Variants in PUDP observed in about 807,000 individuals in gnomAD.
PUDP encodes pseudouridine-5'-phosphatase.
A neutral mutation model predicts 9.4 loss-of-function variants in PUDP; 8 were observed. The ratio of observed to expected loss-of-function variants is 0.85; its 90% CI spans 0.50 to 1.53. The LOEUF is 1.53. Among genes scored for constraint, PUDP ranks in the 40% most tolerant of loss-of-function variants. The pLI, the probability that PUDP is intolerant of heterozygous loss-of-function variation, is 0.00. For synonymous variants in PUDP, 99 were observed against 80.7 expected (o/e 1.23, Z -1.22); for missense variants, 188 against 189.7 (o/e 0.99, Z 0.05).
chrX:7,077,476 G>A, intron 2 of PUDP, 27 bp from the exon 3 acceptor site: 1 of 1,138,936 alleles, frequency 8.8e-7, no homozygotes, highest in South Asian at 1.9e-5. Flanking sequence ...AAGGACTGAG[G>A]TGAGGGGCGA....
At position 6,864,717 on chromosome X, in the gene PUDP, C is replaced by T. The variant is rs142312526; in HGVS notation, c.*247+112416G>A. 7.0e-4 allele frequency among the ~76,000 whole-genome samples: 78 copies of T among 111,751 alleles called. 1 individual carries two copies. The East Asian group carries it at 0.018, about 26-fold the overall frequency. On this transcript the variant is annotated intron_variant and NMD_transcript_variant, in intron 3 of 3. Transcript: ENST00000655425. ...CTAGAGTCAGACTGATATTCCTTGC[C>T]TCCTGGCCTCCTTCCATCTTTGAAG...
intron 1 of PUDP, among the ~76,000 whole-genome samples, chrX:7,013,780 G>A (rs1309577778): frequency 8.9e-6 from 1 of 111,824 alleles, no homozygotes. Context: ...CTGGGGAGGG[G>A]GGGTGCCTGC....
At chrX:6,925,525 A>C (rs1286059003) in intron 3 of PUDP, among the ~76,000 whole-genome samples, 4 of 111,906 alleles carry the variant, frequency 3.6e-5, no homozygotes, top group Non-Finnish European at 5.6e-5. Context: ...ACCAACTCTG[A>C]AAAATATTTT....
intron 1 of PUDP, among the ~76,000 whole-genome samples, chrX:7,124,307 G>C (rs1469221628): frequency 1.8e-5 from 2 of 112,021 alleles, no homozygotes; most frequent in African/African-American, 3.2e-5. Flanking sequence ...ATGAAATTAT[G>C]AGAGAAATTA....
intron 3 of PUDP, among the ~76,000 whole-genome samples, chrX:7,074,881 C>T (rs1238088657): frequency 8.9e-6 from 1 of 112,388 alleles, no homozygotes; most frequent in Non-Finnish European, 1.9e-5. Flanking sequence ...GACTCTCTGA[C>T]TTACTAGCTG....
At chrX:6,948,817 G>A (rs1928508015) in intron 3 of PUDP, among the ~76,000 whole-genome samples, 1 of 112,169 alleles carries the variant, frequency 8.9e-6, no homozygotes, top group Non-Finnish European at 1.9e-5. Flanking sequence ...AGACATGGAT[G>A]TTCCAGGGTT....
chrX:6,964,479 C>G (rs913162917), intron 3 of PUDP, among the ~76,000 whole-genome samples: 1 of 110,986 alleles, frequency 9.0e-6, no homozygotes, highest in South Asian at 3.8e-4. Flanking sequence ...TTGAGACCAG[C>G]TTGCGCAACA....
rs764477705 is a variant in PUDP at position 6,933,132 on chromosome X, C to G, written c.*247+44001G>C. 6.4e-3 allele frequency among the ~76,000 whole-genome samples: 704 copies of G among 109,199 alleles called. 4 individuals carry two copies. The highest frequency in any genetic ancestry group is 0.021 in the African/African-American group (629 of 30,251). 94.8% of individuals were successfully genotyped at this position (109,199 alleles called of 115,157 possible). A position where few individuals can be genotyped will look rare whatever the true frequency, so the allele number is the denominator to read the frequency against. On this transcript the variant is annotated intron_variant and NMD_transcript_variant, in intron 3 of 3. Transcript: ENST00000655425. ...GAAGAGAGCAGTGGTTCTCCCAGCA[C>G]GCAGCTGGAGATCTGAGAACACGCA...
intron 3 of PUDP, among the ~76,000 whole-genome samples, chrX:6,771,306 C>T (rs1224188996): frequency 3.6e-5 from 4 of 111,983 alleles, no homozygotes; most frequent in African/African-American, 9.7e-5. Flanking sequence ...TTTCTTTGCA[C>T]GCTGGAATTA....
At chrX:6,994,879 A>T (rs980716101) in intron 1 of PUDP, among the ~76,000 whole-genome samples, 2 of 111,640 alleles carry the variant, frequency 1.8e-5, no homozygotes, top group East Asian at 5.6e-4. Flanking sequence ...GATGGGGGGA[A>T]AAGTGCTAAG....
upstream of PUDP, among the ~76,000 whole-genome samples, chrX:6,722,885 G>A (rs1399675854): frequency 8.9e-6 from 1 of 111,919 alleles, no homozygotes; most frequent in Non-Finnish European, 1.9e-5. Flanking sequence ...AATTAGAATG[G>A]TTAAAAGAAT....
At chrX:6,867,487 G>C (rs1927105353) in intron 3 of PUDP, among the ~76,000 whole-genome samples, 1 of 110,496 alleles carries the variant, frequency 9.1e-6, no homozygotes. Context: ...GGTGGTGGTA[G>C]TGATGATGGT....
intron 3 of PUDP, among the ~76,000 whole-genome samples, chrX:6,807,256 G>A (rs1197358954): frequency 1.8e-5 from 2 of 112,020 alleles, no homozygotes; most frequent in Non-Finnish European, 3.8e-5. Flanking sequence ...ACAGTGCACA[G>A]GTGGAGTAAT....
At chrX:6,893,455 A>G (rs1289036829) in intron 3 of PUDP, among the ~76,000 whole-genome samples, 1 of 111,943 alleles carries the variant, frequency 8.9e-6, no homozygotes, top group Non-Finnish European at 1.9e-5. Flanking sequence ...GTGTTCATGG[A>G]TTGTGAATTA....
chrX:6,852,444 G>T (rs868342632), intron 3 of PUDP, among the ~76,000 whole-genome samples: 2 of 111,973 alleles, frequency 1.8e-5, no homozygotes, highest in Non-Finnish European at 3.8e-5. Flanking sequence ...CAGCACTTGG[G>T]TGTAGGGCTC....
intron 3 of PUDP, among the ~76,000 whole-genome samples, chrX:6,864,800 T>C (rs1927054419): frequency 8.9e-6 from 1 of 111,859 alleles, no homozygotes; most frequent in African/African-American, 3.2e-5. Context: ...TCTATTTCCC[T>C]TTTCCCCATT....
intron 3 of PUDP, among the ~76,000 whole-genome samples, chrX:6,799,343 A>G (rs1691543886): frequency 8.9e-6 from 1 of 112,099 alleles, no homozygotes; most frequent in African/African-American, 3.2e-5. Flanking sequence ...TTTTAGAAAG[A>G]ATTTAAAATA....
At chrX:6,820,909 C>T (rs963214619) in intron 3 of PUDP, among the ~76,000 whole-genome samples, 6 of 112,005 alleles carry the variant, frequency 5.4e-5, no homozygotes, top group Non-Finnish European at 1.1e-4. Context: ...AGTAGGGACT[C>T]TGTGTGGGGG....
At chrX:7,073,086 G>A (rs995263991) in intron 3 of PUDP, among the ~76,000 whole-genome samples, 18 of 111,322 alleles carry the variant, frequency 1.6e-4, no homozygotes, top group Non-Finnish European at 3.8e-5. Flanking sequence ...GCCTTCAGGG[G>A]ATGTGTTGGC....
Sources: allele counts gnomAD v4.1 joint callset (sites outside exome capture counted in the v4.1 genomes callset), GRCh38; gene constraint gnomAD v4.1.1; transcripts MANE v1.5; gene names NCBI Gene and HGNC (gene_info 2026-07-23, HGNC 2026-07-21).